The following CAST variants were observed in gnomAD, a reference collection of about 807,000 sequenced individuals.
CAST encodes the protein MIR583 host.
Under a neutral mutation model 119.6 loss-of-function variants are expected in CAST, and 76 were observed. The ratio of observed to expected loss-of-function variants is 0.64; its 90% CI spans 0.53 to 0.77. The LOEUF is 0.77. Ranked by LOEUF, CAST falls within the 30% of genes least tolerant of loss-of-function variation. CAST has a pLI of 0.00. For missense variants in CAST, 953 were observed against 946.5 expected (o/e 1.01, Z -0.09); for synonymous variants, 319 against 331.6 (o/e 0.96, Z 0.41).
the CAST span, among the ~76,000 whole-genome samples, chr5:95,964,419 T>C: frequency 6.6e-6 from 1 of 152,204 alleles, no homozygotes; most frequent in Admixed American, 6.5e-5. Context: ...AAAATTAAAC[T>C]GTAAAGTCTC....
intron 1 of CAST, among the ~76,000 whole-genome samples, chr5:96,530,061 T>G (rs544800301): frequency 1.2e-3 from 182 of 152,114 alleles, no homozygotes; most frequent in Non-Finnish European, 2.4e-3. Context: ...CTACCTGCAG[T>G]GGACCTCACT....
Position 96,742,713 on chromosome 5 carries a change from C to G in CAST, c.1157C>G (p.Ala386Gly), listed in dbSNP as rs1227783082. 5.6e-6 allele frequency: 9 copies of G among 1,613,854 alleles called. No homozygotes were observed. Among genetic ancestry groups the G allele is most frequent in the Non-Finnish European group, 2.5e-6 (3 of 1,179,900 alleles). ...ALSASLGTRQ[A>G]EPELDLRSIK... ...TCGGCTTCACTGGGCACCCGGCAAG[C>G]AGAACCTGAGCTCGACCTCCGCTCA... The change falls in exon 16 of 32, where the codon GCA becomes GGA. Residue 386 changes from alanine to glycine, a missense_variant. Coordinates refer to ENST00000675179, the MANE Select transcript of CAST (RefSeq NM_001750.7).
At chr5:96,078,398 CT>C in the CAST span, among the ~76,000 whole-genome samples, 31,647 of 145,198 alleles carry the variant, frequency 0.22, 4,106 homozygotes, top group Non-Finnish European at 0.3. Flanking sequence ...TCTGATCAAG[CT>C]TTTTTTTTTT....
the CAST span, among the ~76,000 whole-genome samples, chr5:96,156,093 A>T: frequency 6.6e-6 from 1 of 152,232 alleles, no homozygotes; most frequent in Non-Finnish European, 1.5e-5. Context: ...AGCCTTCCAG[A>T]ATTAAGCCCC....
chr5:96,637,892 C>T (rs1345467354), intron 1 of CAST, among the ~76,000 whole-genome samples: 7 of 152,076 alleles, frequency 4.6e-5, no homozygotes, highest in Non-Finnish European at 1.0e-4. Flanking sequence ...GTTCATAGTG[C>T]AAGAAGAAGT....
At chr5:96,422,968 C>T in the CAST span, among the ~76,000 whole-genome samples, 1 of 150,902 alleles carries the variant, frequency 6.6e-6, no homozygotes, top group South Asian at 2.1e-4. Context: ...GAAACTGTGA[C>T]AATGATCTCA....
chr5:96,203,190 G>A, the CAST span, among the ~76,000 whole-genome samples: 23 of 151,328 alleles, frequency 1.5e-4, no homozygotes, highest in African/African-American at 5.6e-4. Flanking sequence ...TTCCACATAT[G>A]CCCTTAAATA....
At chr5:96,225,794 A>C in the CAST span, among the ~76,000 whole-genome samples, 47 of 152,360 alleles carry the variant, frequency 3.1e-4, no homozygotes, top group African/African-American at 1.0e-3. Context: ...TATGAGAAGT[A>C]AGTTGGATAA....
At chr5:96,000,495 A>G in the CAST span, among the ~76,000 whole-genome samples, 1,076 of 152,276 alleles carry the variant, frequency 7.1e-3, 11 homozygotes, top group South Asian at 0.038. Flanking sequence ...ATAAACTGAC[A>G]TCTGTCGGGA....
At chr5:96,216,583 G>T in the CAST span, among the ~76,000 whole-genome samples, 30 of 151,966 alleles carry the variant, frequency 2.0e-4, no homozygotes, top group Non-Finnish European at 3.5e-4. Context: ...TGGTGATTTG[G>T]GCAATATTCA....
Position 96,750,687 on chromosome 5 carries a change from G to T in CAST, c.1524+5G>T. On this transcript the variant is annotated splice_donor_5th_base_variant and intron_variant, in intron 20 of 31. Coordinates refer to ENST00000675179, the MANE Select transcript of CAST (RefSeq NM_001750.7). The stretch of plus-strand genomic sequence containing the variant: ...CCCCCTGAGCCGGCTACCTTGGTGA[G>T]TGACTCCCTGGGCATTTGAGCAGTG... 1.3e-6 allele frequency: 2 copies of T among 1,597,150 alleles called. No homozygotes were observed. Among genetic ancestry groups the T allele is most frequent in the African/African-American group, 1.3e-5 (1 of 74,656 alleles).
intron 3 of CAST, among the ~76,000 whole-genome samples, chr5:96,716,763 T>C (rs1439573072): frequency 6.6e-6 from 1 of 152,248 alleles, no homozygotes; most frequent in Non-Finnish European, 1.5e-5. Flanking sequence ...AGTTATTGAT[T>C]TGTCAGATTT....
At chr5:96,432,874 G>A in the CAST span, 6 of 1,613,560 alleles carry the variant, frequency 3.7e-6, no homozygotes, top group Non-Finnish European at 5.1e-6. Context: ...TGACCCAAAA[G>A]GTCATAGCCC....
the CAST span, among the ~76,000 whole-genome samples, chr5:95,963,725 CTTTTTTTTT>C: frequency 1.5e-5 from 2 of 129,992 alleles, no homozygotes; most frequent in African/African-American, 6.0e-5. Flanking sequence ...TTCTCTCTCT[CTTTTTTTTT>C]TTTTTTTTTT....
the CAST span, among the ~76,000 whole-genome samples, chr5:96,285,668 C>T: frequency 2.4e-4 from 36 of 152,192 alleles, no homozygotes; most frequent in African/African-American, 8.2e-4. Context: ...TCAGTTATTC[C>T]GCTTTCTTTG....
chr5:96,559,393 A>C (rs936318197), intron 1 of CAST, among the ~76,000 whole-genome samples: 4 of 152,200 alleles, frequency 2.6e-5, no homozygotes, highest in African/African-American at 9.7e-5. Context: ...AGGGGTATTC[A>C]GTTAGGAAAG....
the CAST span, among the ~76,000 whole-genome samples, chr5:96,156,884 C>G: frequency 3.3e-5 from 5 of 152,160 alleles, no homozygotes; most frequent in African/African-American, 9.7e-5. Flanking sequence ...CAGCAAAGGT[C>G]TGTAAACTTT....
At chr5:96,668,138 A>G (rs1486840744) in intron 1 of CAST, among the ~76,000 whole-genome samples, 2 of 131,496 alleles carry the variant, frequency 1.5e-5, no homozygotes, top group Non-Finnish European at 3.1e-5. Context: ...AGCTACCAGC[A>G]CAGACACGCG....
chr5:96,708,805 A>G (rs759562888), intron 3 of CAST, among the ~76,000 whole-genome samples: 47 of 152,172 alleles, frequency 3.1e-4, no homozygotes, highest in Non-Finnish European at 5.6e-4. Flanking sequence ...AAGAGGATAA[A>G]CAAGTTCTGG....
Sources: allele counts gnomAD v4.1 joint callset (sites outside exome capture counted in the v4.1 genomes callset), GRCh38; gene constraint gnomAD v4.1.1; transcripts MANE v1.5; gene names NCBI Gene and HGNC (gene_info 2026-07-23, HGNC 2026-07-21).